The following ADAMTS20 variants were observed in gnomAD, a reference collection of about 807,000 sequenced individuals.
ADAMTS20 encodes A disintegrin and metalloproteinase with thrombospondin motifs 20.
In ADAMTS20, 225 loss-of-function variants were observed where a neutral mutation model predicts 260.1. That is an observed-to-expected ratio of 0.87 (90% CI 0.78 to 0.97). The LOEUF (loss-of-function observed/expected upper bound fraction) is 0.97. Ranked by LOEUF, ADAMTS20 falls within the 50% of genes least tolerant of loss-of-function variation. The pLI is 0.00. For missense variants in ADAMTS20, 2,400 were observed against 2,337.7 expected, an observed-to-expected ratio of 1.03 and a Z score of -0.55; for synonymous variants, 802 against 769.5, an observed-to-expected ratio of 1.04 and a Z score of -0.70.
chr12:43,434,004 C>T (rs1261123526), intron 19 of ADAMTS20, among the ~76,000 whole-genome samples: 1 of 152,132 alleles, frequency 6.6e-6, no homozygotes, highest in Non-Finnish European at 1.5e-5. Context: ...GACAAAATTA[C>T]AATCTTTTTC....
At chr12:43,386,141 GTC>G (rs1027175106) in intron 29 of ADAMTS20, among the ~76,000 whole-genome samples, 4 of 151,964 alleles carry the variant, frequency 2.6e-5, no homozygotes, top group African/African-American at 4.8e-5. Flanking sequence ...GGTTTTTCAG[GTC>G]TCTATCTCCT....
intron 35 of ADAMTS20, 32 bp downstream of exon 35, chr12:43,376,025 A>T (rs2137211658): frequency 6.6e-7 from 1 of 1,508,442 alleles, no homozygotes; most frequent in East Asian, 2.3e-5. Flanking sequence ...GGACCATGAA[A>T]ATGCTCAGAT....
intron 14 of ADAMTS20, among the ~76,000 whole-genome samples, chr12:43,449,796 T>C (rs953034283): frequency 5.3e-5 from 8 of 152,152 alleles, no homozygotes; most frequent in African/African-American, 9.7e-5. Flanking sequence ...CACATATTCA[T>C]TTAAAAAGCC....
intron 29 of ADAMTS20, among the ~76,000 whole-genome samples, chr12:43,392,420 C>A (rs1238406262): frequency 6.6e-6 from 1 of 151,984 alleles, no homozygotes; most frequent in African/African-American, 2.4e-5. Flanking sequence ...GTCCTTTGAT[C>A]CTAGCATGAG....
intron 37 of ADAMTS20, among the ~76,000 whole-genome samples, chr12:43,359,828 C>T (rs1383296235): frequency 6.6e-6 from 1 of 151,584 alleles, no homozygotes; most frequent in Non-Finnish European, 1.5e-5. Context: ...AGACTTAATA[C>T]AAAATTTAAT....
intron 11 of ADAMTS20, among the ~76,000 whole-genome samples, chr12:43,459,370 G>T (rs1200361609): frequency 6.6e-6 from 1 of 152,150 alleles, no homozygotes; most frequent in Non-Finnish European, 1.5e-5. Context: ...GGGTTCCATG[G>T]TTCTCTTCCA....
At chr12:43,354,973 G>C (rs1024346846) in intron 38 of ADAMTS20, among the ~76,000 whole-genome samples, 1 of 152,150 alleles carries the variant, frequency 6.6e-6, no homozygotes, top group African/African-American at 2.4e-5. Context: ...CGTGATAGAC[G>C]CCTCACGTCT....
chr12:43,469,241 A>C (rs1026993819), intron 7 of ADAMTS20, among the ~76,000 whole-genome samples: 1 of 152,168 alleles, frequency 6.6e-6, no homozygotes, highest in Non-Finnish European at 1.5e-5. Flanking sequence ...AATAAAATAA[A>C]ACGAGTTTAT....
intron 11 of ADAMTS20, among the ~76,000 whole-genome samples, chr12:43,454,583 G>C (rs907004789): frequency 6.6e-6 from 1 of 152,102 alleles, no homozygotes; most frequent in African/African-American, 2.4e-5. Flanking sequence ...ATTCAGCCTT[G>C]CTACCTGTTA....
intron 9 of ADAMTS20, among the ~76,000 whole-genome samples, chr12:43,465,522 T>C (rs140442694): frequency 5.8e-4 from 88 of 152,218 alleles, no homozygotes; most frequent in South Asian, 1.0e-3. Flanking sequence ...GCTATTCCAA[T>C]TGGGCTAAGA....
At position 43,356,521 on chromosome 12, in the gene ADAMTS20, T is replaced by G; in HGVS notation, c.5606A>C (p.Gln1869Pro). The change falls in exon 38 of 39, where the codon CAG (glutamine) becomes CCG (proline). Residue 1869 changes from glutamine to proline, a missense_variant. Transcript: ENST00000389420. ...TATGCTGACAGAGGTATAACTCCCC[T>G]GAGTGAGCCACTTTGCTGTGCTGGA... is the stretch of plus-strand genomic sequence containing the variant. ...KISSTAKWLTQGSYTSVSIRR... is the reference protein window; with the variant it reads ...KISSTAKWLTPGSYTSVSIRR... 6.2e-7 allele frequency: 1 copy of G among 1,611,286 alleles called. No individual in the cohort carries two copies. Among genetic ancestry groups the G allele is most frequent in the Non-Finnish European group, 8.5e-7 (1 of 1,178,640 alleles).
At chr12:43,475,522 C>G (rs1470996104) in intron 7 of ADAMTS20, among the ~76,000 whole-genome samples, 1 of 151,288 alleles carries the variant, frequency 6.6e-6, no homozygotes, top group Non-Finnish European at 1.5e-5. Context: ...AAAAAGAGCC[C>G]GCATCGCCAA....
chr12:43,497,171 T>C (rs958947758), intron 4 of ADAMTS20, among the ~76,000 whole-genome samples: 1 of 152,186 alleles, frequency 6.6e-6, no homozygotes, highest in African/African-American at 2.4e-5. Context: ...TTCTGACTTG[T>C]TTATAGGTTT....
chr12:43,422,604 GTAAAAATTCTA>G (rs1250598071), intron 28 of ADAMTS20, among the ~76,000 whole-genome samples: 1 of 151,936 alleles, frequency 6.6e-6, no homozygotes, highest in Non-Finnish European at 1.5e-5. Context: ...AAATATGATT[GTAAAAATTCTA>G]TACAAACCTT....
chr12:43,405,786 T>A (rs1052962750), intron 28 of ADAMTS20, among the ~76,000 whole-genome samples: 1 of 152,196 alleles, frequency 6.6e-6, no homozygotes, highest in Non-Finnish European at 1.5e-5. Context: ...CATCAAATGA[T>A]CAGACAAAAA....
intron 2 of ADAMTS20, among the ~76,000 whole-genome samples, chr12:43,541,970 A>G (rs536983810): frequency 2.8e-3 from 422 of 152,318 alleles, no homozygotes; most frequent in Middle Eastern, 0.014. Flanking sequence ...AGAAAATAAA[A>G]CAAAGACTGG....
chr12:43,463,149 CTAGTCAT>C, intron 10 of ADAMTS20, 150 bp from the exon 11 acceptor site: 1 of 464,272 alleles, frequency 2.2e-6, no homozygotes, highest in Non-Finnish European at 3.7e-6. Context: ...TTACTAAGTT[CTAGTCAT>C]TAATTTTCTT....
chr12:43,354,282 A>C lies in ADAMTS20; in HGVS notation c.5660T>G (p.Phe1887Cys). 1 of 1,589,084 alleles carries C rather than the reference A, an allele frequency of 6.3e-7. No homozygotes were observed. Among genetic ancestry groups the C allele is most frequent in the Non-Finnish European group, 8.6e-7 (1 of 1,166,104 alleles). ...IRRSEDGTRF[F>C]GKCGGYCGKC... Reference sequence around the variant, plus strand: ...TCCACAGTACCCTCCACATTTGCCGAAAAATCTAGTTCCATCCTGAAAATC... The same window carrying C: ...TCCACAGTACCCTCCACATTTGCCGCAAAATCTAGTTCCATCCTGAAAATC... Residue 1887 changes from phenylalanine (F) to cysteine (C), a missense_variant, in exon 39 of 39, where the codon TTC becomes TGC. By Grantham distance (205) the Phe-to-Cys change is radical. Coordinates refer to ENST00000389420, the MANE Select transcript of ADAMTS20 (RefSeq NM_025003.5).
At chr12:43,375,615 AT>A in intron 35 of ADAMTS20, 103 bp from the exon 36 acceptor site, 1 of 1,277,356 alleles carries the variant, frequency 7.8e-7, no homozygotes, top group Non-Finnish European at 1.1e-6. Flanking sequence ...GCTCTTTAAT[AT>A]TATAGTGTCA....
Sources: allele counts gnomAD v4.1 joint callset (sites outside exome capture counted in the v4.1 genomes callset), GRCh38; gene constraint gnomAD v4.1.1; transcripts MANE v1.5; gene names NCBI Gene and HGNC (gene_info 2026-07-23, HGNC 2026-07-21).